NDRG3: variants seen among roughly 807,000 people sequenced by gnomAD.
NDRG3 encodes NDRG family member 3.
NDRG3 carries 23 observed loss-of-function variants against 57.2 expected under a neutral mutation model. The ratio of observed to expected loss-of-function variants is 0.40; its 90% CI spans 0.29 to 0.57. The LOEUF is 0.57. Among genes scored for constraint, NDRG3 ranks in the 20% least tolerant of loss-of-function variants. The pLI is 0.42. For synonymous variants in NDRG3, 132 were observed against 162.6 expected (o/e 0.81, Z 1.43); for missense variants, 384 against 457.3 (o/e 0.84, Z 1.46).
intron 1 of NDRG3, among the ~76,000 whole-genome samples, chr20:36,743,231 C>T (rs1267540716): frequency 1.3e-5 from 2 of 152,202 alleles, no homozygotes; most frequent in Admixed American, 6.5e-5. Context: ...CGGAGGCTCA[C>T]GCCTGTAATC....
At chr20:36,693,155 T>C (rs1388900405) in intron 3 of NDRG3, among the ~76,000 whole-genome samples, 2 of 90,558 alleles carry the variant, frequency 2.2e-5, no homozygotes, top group African/African-American at 4.3e-5. Context: ...CACACACACA[T>C]ATACACATAT....
chr20:36,720,265 C>T (rs1327925780), intron 2 of NDRG3, among the ~76,000 whole-genome samples: 3 of 151,606 alleles, frequency 2.0e-5, no homozygotes, highest in Admixed American at 6.6e-5. Context: ...CTCTGCCTTC[C>T]GGGTTCAAGT....
chr20:36,694,989 C>A (rs532077968), intron 3 of NDRG3, among the ~76,000 whole-genome samples: 1 of 152,048 alleles, frequency 6.6e-6, no homozygotes, highest in Non-Finnish European at 1.5e-5. Context: ...AGTCAGGGAC[C>A]CCAAACAGAG....
intron 1 of NDRG3, among the ~76,000 whole-genome samples, chr20:36,727,207 C>T (rs368972223): frequency 9.9e-5 from 15 of 152,084 alleles, no homozygotes; most frequent in African/African-American, 3.1e-4. Context: ...TGAGCCACCC[C>T]GCCCAGCCTA....
intron 9 of NDRG3, among the ~76,000 whole-genome samples, chr20:36,668,185 C>T (rs200961587): frequency 6.6e-6 from 1 of 152,082 alleles, no homozygotes; most frequent in East Asian, 1.9e-4. Flanking sequence ...GAGGCTGCAG[C>T]GAACTAAGAT....
intron 1 of NDRG3, 107 bp from the exon 2 acceptor site, chr20:36,721,890 T>C (rs1984616105): frequency 1.2e-5 from 7 of 582,976 alleles, no homozygotes; most frequent in Admixed American, 6.4e-5. Flanking sequence ...CTCTGTGCCA[T>C]GCCCTGCTCA....
intron 1 of NDRG3, among the ~76,000 whole-genome samples, chr20:36,723,024 G>T (rs1046652721): frequency 6.6e-6 from 1 of 152,172 alleles, no homozygotes; most frequent in Non-Finnish European, 1.5e-5. Context: ...CTAGCCATGT[G>T]TGTGAGTTAC....
intron 13 of NDRG3, among the ~76,000 whole-genome samples, chr20:36,659,937 G>A (rs899155484): frequency 3.3e-5 from 5 of 151,442 alleles, no homozygotes; most frequent in African/African-American, 9.7e-5. Context: ...GGCTGGGTGC[G>A]GTGGCTCACA....
At chr20:36,717,981 C>T (rs1053089752) in intron 2 of NDRG3, among the ~76,000 whole-genome samples, 2 of 152,192 alleles carry the variant, frequency 1.3e-5, no homozygotes. Flanking sequence ...GTGAGAAATC[C>T]TGCCATACAG....
At chr20:36,708,647 CAAAA>C (rs746647555) in intron 2 of NDRG3, among the ~76,000 whole-genome samples, 1 of 62,646 alleles carries the variant, frequency 1.6e-5, no homozygotes, top group Non-Finnish European at 3.1e-5. Flanking sequence ...GACTCCGTCT[CAAAA>C]AAAAAAAAAA....
rs74173994 is a variant in NDRG3 at position 36,723,659 on chromosome 20, A to AATATGTGTGTGTGT, written c.-48-1877_-48-1876insACACACACACATAT. On this transcript the variant is annotated intron_variant, in intron 1 of 15. Transcript: ENST00000349004. ...GAAAGCCTTCAAAAGATATTAGTCT[A>AATATGTGTGTGTGT]GTGTGTGTGTGTGTGTGTGTGTGTG... is the stretch of plus-strand genomic sequence containing the variant. 6.0e-3 allele frequency among the ~76,000 whole-genome samples: 794 copies of AATATGTGTGTGTGT among 132,936 alleles called. 8 individuals are homozygous for AATATGTGTGTGTGT. The highest frequency in any genetic ancestry group is 0.022 in the African/African-American group (778 of 35,318). 87.2% of individuals were successfully genotyped at this position (132,936 alleles called of 152,430 possible). A position where few individuals can be genotyped will look rare whatever the true frequency, so the allele number is the denominator to read the frequency against.
Position 36,746,068 on chromosome 20 carries a change from A to T in NDRG3, c.-72T>A. 3.0e-6 allele frequency: 1 copy of T among 329,986 alleles called. No individual in the cohort carries two copies. The highest frequency in any genetic ancestry group is 5.3e-6 in the Non-Finnish European group (1 of 190,212). The allele number at this position is 329,986 out of a possible 1,614,324, so 20.4% of individuals were successfully genotyped here. A position where few individuals can be genotyped will look rare whatever the true frequency, so the allele number is the denominator to read the frequency against. ...ACCTGAGGCGCGGGCACCCGCCGTC[A>T]GTGCAGCAGCAGCGGCGGCGGCGGC... On this transcript the variant is annotated 5_prime_UTR_variant, in exon 1 of 16. Transcript: ENST00000349004.
At chr20:36,673,256 A>C (rs1166090162) in intron 8 of NDRG3, among the ~76,000 whole-genome samples, 2 of 152,144 alleles carry the variant, frequency 1.3e-5, no homozygotes, top group African/African-American at 4.8e-5. Flanking sequence ...GAAATACCTC[A>C]TTTCTCCAAA....
Position 36,741,919 on chromosome 20 carries a change from T to G in NDRG3, c.-49+4126A>C, listed in dbSNP as rs184517405. 1.0e-3 allele frequency among the ~76,000 whole-genome samples: 152 copies of G among 152,310 alleles called. 1 individual carries two copies. Among genetic ancestry groups the G allele is most frequent in the Admixed American group, 9.9e-3 (152 of 15,288 alleles). On this transcript the variant is annotated intron_variant, in intron 1 of 15. Transcript: ENST00000349004. ...CACTAAAGATTGAGAACCACTGCTC[T>G]AAGCCAGCCAAGCCAATTTTTTTAC...
chr20:36,706,940 C>G (rs561942369), intron 3 of NDRG3, 32 bp downstream of exon 3: 3 of 1,604,696 alleles, frequency 1.9e-6, no homozygotes, highest in Non-Finnish European at 2.6e-6. Context: ...AGATCCTGTA[C>G]AGAGCCTCCT....
At chr20:36,656,637 A>C in intron 13 of NDRG3, 105 bp from the exon 14 acceptor site, 2 of 1,250,446 alleles carry the variant, frequency 1.6e-6, no homozygotes, top group South Asian at 2.6e-5. Flanking sequence ...TCTAGGTTTT[A>C]ATGTTTAACT....
rs145782930 is a variant in NDRG3, at chr20:36,676,840, G to C, written c.531+3976C>G. On this transcript the variant is annotated intron_variant, in intron 8 of 15. Transcript: ENST00000349004. Reference sequence around the variant, plus strand: ...CTGCTGCCATCACGCTGTGTGGCTGGGGCTGCACACGCCATGGAGCTGGCG... The same window carrying C: ...CTGCTGCCATCACGCTGTGTGGCTGCGGCTGCACACGCCATGGAGCTGGCG... Among the ~76,000 whole-genome samples the C allele has an allele frequency of 7.1e-4, 108 of 152,362 alleles. 3 individuals are homozygous for C. The East Asian group carries it at 0.02, about 28-fold the overall frequency.
intron 3 of NDRG3, among the ~76,000 whole-genome samples, chr20:36,690,828 C>T (rs1477487531): frequency 6.7e-6 from 1 of 149,556 alleles, no homozygotes; most frequent in African/African-American, 2.5e-5. Flanking sequence ...AGCTCAGGAA[C>T]CGAATAGAGC....
chr20:36,656,047 T>C (rs1339856847), intron 15 of NDRG3, among the ~76,000 whole-genome samples: 3 of 146,086 alleles, frequency 2.1e-5, no homozygotes, highest in African/African-American at 7.7e-5. Context: ...GGCAGGAGAA[T>C]CGCTTGAACC....
Sources: gnomAD v4.1 joint callset for allele counts (sites outside exome capture counted in the v4.1 genomes callset) on GRCh38, gnomAD v4.1.1 for gene constraint, MANE v1.5 for transcripts, NCBI Gene and HGNC (gene_info 2026-07-23, HGNC 2026-07-21) for gene names.